Variants in SPRING1 observed in about 807,000 individuals in gnomAD.
SPRING1 encodes SREBP regulating gene protein.
In SPRING1, 14 loss-of-function variants were observed where a neutral mutation model predicts 24.7. That is an observed-to-expected ratio of 0.57 (90% CI 0.37 to 0.88). The LOEUF is 0.88. Ranked by LOEUF, SPRING1 falls within the 40% of genes least tolerant of loss-of-function variation. SPRING1 has a pLI of 0.00. For missense variants in SPRING1, 255 were observed against 268.4 expected (o/e 0.95, Z 0.35); for synonymous variants, 93 against 106.1 (o/e 0.88, Z 0.76).
chr12:116,730,357 C>A (rs1399107705), intron 1 of SPRING1, among the ~76,000 whole-genome samples: 1 of 152,118 alleles, frequency 6.6e-6, no homozygotes, highest in Non-Finnish European at 1.5e-5. Flanking sequence ...GCACCTGCCA[C>A]CACACCCAGC....
chr12:116,725,537 T>C (rs184975123), intron 1 of SPRING1, among the ~76,000 whole-genome samples: 1 of 152,272 alleles, frequency 6.6e-6, no homozygotes, highest in East Asian at 1.9e-4. Flanking sequence ...AAAAACAGGA[T>C]TATTAATAAC....
chr12:116,734,588 G>A (rs1261847396), intron 1 of SPRING1, among the ~76,000 whole-genome samples: 1 of 152,180 alleles, frequency 6.6e-6, no homozygotes, highest in Non-Finnish European at 1.5e-5. Context: ...CCCATGAAGT[G>A]GCTGGCAGTA....
At position 116,730,095 on chromosome 12, in the gene SPRING1, T is replaced by C. The variant is rs150948268; in HGVS notation, c.112-6872A>G. Among the ~76,000 whole-genome samples, 167 of 152,008 alleles carry C rather than the reference T, an allele frequency of 1.1e-3. 4 individuals carry two copies. The East Asian group carries it at 0.026, about 24-fold the overall frequency. ...TTTTGTATTTTTAGTAGAGACAGGG[T>C]TTCACTGTGTTAGCCAGGATGGTCT... On this transcript the variant is annotated intron_variant, in intron 1 of 4. Coordinates refer to ENST00000261318, the MANE Select transcript of SPRING1 (RefSeq NM_024738.4).
At chr12:116,734,572 T>C (rs921387423) in intron 1 of SPRING1, among the ~76,000 whole-genome samples, 11 of 152,202 alleles carry the variant, frequency 7.2e-5, no homozygotes, top group Admixed American at 6.5e-4. Flanking sequence ...AATCAATATT[T>C]GGATTCCCAT....
At chr12:116,734,387 A>G (rs1177838225) in intron 1 of SPRING1, among the ~76,000 whole-genome samples, 1 of 152,180 alleles carries the variant, frequency 6.6e-6, no homozygotes, top group Non-Finnish European at 1.5e-5. Flanking sequence ...CAGAATCTTG[A>G]GCGACGCATG....
chr12:116,712,596 C>G lies in SPRING1; in HGVS notation c.*5214G>C, dbSNP rs916348099. 4 of 152,160 alleles carry G rather than the reference C, an allele frequency of 2.6e-5. No individual in the cohort carries two copies. Among genetic ancestry groups the G allele is most frequent in the Non-Finnish European group, 5.9e-5 (4 of 68,040 alleles). 9.4% of individuals were successfully genotyped at this position (152,160 alleles called of 1,614,324 possible). ...TCTTTGTTTTTATTGCTCCTACTTA[C>G]TTATGTGATACCTTTTTAGTAGAAT... is the stretch of plus-strand genomic sequence containing the variant. On this transcript the variant is annotated 3_prime_UTR_variant, in exon 5 of 5. Coordinates refer to ENST00000261318, the MANE Select transcript of SPRING1 (RefSeq NM_024738.4).
chr12:116,720,340 T>TGCAGCAGCCGTTGGG lies in SPRING1; in HGVS notation c.361_375dup (p.Pro121_Cys125dup). ...CAGGAGACACAGTACTCATAGGCGC[T>TGCAGCAGCCGTTGGG]GCAGCAGCCGTTGGGCCAGCAGCCA... On this transcript the variant is annotated inframe_insertion, in exon 3 of 5. Transcript: ENST00000261318. The surrounding 1 kb of genome is among the most constrained non-coding windows in gnomAD (Gnocchi z 4.0). 2 of 1,614,218 alleles carry TGCAGCAGCCGTTGGG rather than the reference T, an allele frequency of 1.2e-6. No homozygotes were observed. Among genetic ancestry groups the TGCAGCAGCCGTTGGG allele is most frequent in the Non-Finnish European group, 1.7e-6 (2 of 1,180,032 alleles).
chr12:116,731,237 G>A (rs1035978902), intron 1 of SPRING1, among the ~76,000 whole-genome samples: 3 of 152,336 alleles, frequency 2.0e-5, no homozygotes, highest in Non-Finnish European at 4.4e-5. Flanking sequence ...TAGTAGCACA[G>A]TCTGCTGCCG....
chr12:116,723,087 T>C lies in SPRING1; in HGVS notation c.248A>G (p.His83Arg). ...CTCACCGAGTTCATCCGTGATGAGG[T>C]GCTTCCCTTGAATGGAGTTGCGGCA... ...NQCRNSIQGK[H>R]LITDELGYVC... Residue 83 changes from histidine (H) to arginine (R), a missense_variant, in exon 2 of 5, where the codon CAC becomes CGC. By Grantham distance (29) the His-to-Arg change is conservative. Coordinates refer to ENST00000261318, the MANE Select transcript of SPRING1 (RefSeq NM_024738.4). 1 of 1,612,480 alleles carries C rather than the reference T, an allele frequency of 6.2e-7. No individual in the cohort carries two copies. The highest frequency in any genetic ancestry group is 1.3e-5 in the African/African-American group (1 of 75,008).
chr12:116,723,191 G>A lies in SPRING1; in HGVS notation c.144C>T (p.Leu48=). ...EERAVRDRNL[L]QVHDHNQPIP... ...TGGGCTGATTATGGTCATGAACCTGGAGGAGATTCCTATCTCTCACTGCCC... is the reference window on the plus strand; with the variant it reads ...TGGGCTGATTATGGTCATGAACCTGAAGGAGATTCCTATCTCTCACTGCCC... The change falls in exon 2 of 5, where the codon CTC becomes CTT. Residue 48 remains leucine, a synonymous_variant. Coordinates refer to ENST00000261318, the MANE Select transcript of SPRING1 (RefSeq NM_024738.4). 1.9e-6 allele frequency: 3 copies of A among 1,614,124 alleles called. No homozygotes were observed. Among genetic ancestry groups the A allele is most frequent in the Non-Finnish European group, 2.5e-6 (3 of 1,180,034 alleles).
Position 116,738,050 on chromosome 12 carries a change from T to A in SPRING1, c.-150A>T. ...CAGCCCAGTCTGCTCCCGGCAGCCT[T>A]GGGCGCAGCCCCACGTGACCCCGCC... On this transcript the variant is annotated 5_prime_UTR_variant, in exon 1 of 5. Coordinates refer to ENST00000261318, the MANE Select transcript of SPRING1 (RefSeq NM_024738.4). 1.8e-6 allele frequency: 2 copies of A among 1,089,524 alleles called. No homozygotes were observed. The highest frequency in any genetic ancestry group is 2.2e-6 in the Non-Finnish European group (2 of 898,558). 67.5% of individuals were successfully genotyped at this position (1,089,524 alleles called of 1,614,324 possible).
At chr12:116,721,041 A>C (rs1234917331) in intron 2 of SPRING1, among the ~76,000 whole-genome samples, 1 of 152,192 alleles carries the variant, frequency 6.6e-6, no homozygotes, top group Non-Finnish European at 1.5e-5. Context: ...TTGGGAATGC[A>C]GTTCTCTAAT....
rs530673155 is a variant in SPRING1, at chr12:116,710,198, G to T, written c.*7612C>A. Reference sequence around the variant, plus strand: ...ATTTTAAAATAATATGGACAGCAGGGTCCTACCTTTATTTACATACAAATA... The same window carrying T: ...ATTTTAAAATAATATGGACAGCAGGTTCCTACCTTTATTTACATACAAATA... On this transcript the variant is annotated 3_prime_UTR_variant, in exon 5 of 5. Coordinates refer to ENST00000261318, the MANE Select transcript of SPRING1 (RefSeq NM_024738.4). The T allele has an allele frequency of 3.3e-5, 5 of 152,302 alleles. No individual in the cohort carries two copies. In the South Asian group the frequency reaches 1.0e-3, roughly 32 times the overall value. 9.4% of individuals were successfully genotyped at this position (152,302 alleles called of 1,614,324 possible).
In SPRING1 at chr12:116,737,871, G is replaced by A. The variant is rs1871355532; in HGVS notation, c.30C>T (p.Arg10=). Residue 10 remains arginine (R), a synonymous_variant, in exon 1 of 5, where the codon CGC becomes CGT. Coordinates refer to ENST00000261318, the MANE Select transcript of SPRING1 (RefSeq NM_024738.4). MVNLAAMVW[R]RLLRKRWVLA... ...GCACCCACCTCTTCCGCAGAAGCCG[G>A]CGCCACACCATGGCCGCCAGGTTCA... 1.9e-6 allele frequency: 3 copies of A among 1,576,102 alleles called. No homozygotes were observed. The highest frequency in any genetic ancestry group is 2.6e-5 in the East Asian group (1 of 39,060).
At chr12:116,731,485 CTA>C (rs1305273200) in intron 1 of SPRING1, among the ~76,000 whole-genome samples, 7 of 152,136 alleles carry the variant, frequency 4.6e-5, no homozygotes, top group African/African-American at 1.4e-4. Context: ...TAGCTCATGC[CTA>C]TGATTCCAGC....
chr12:116,713,110 C>A lies in SPRING1; in HGVS notation c.*4700G>T, dbSNP rs960616587. 2.0e-4 allele frequency: 30 copies of A among 152,200 alleles called. No homozygotes were observed. The highest frequency in any genetic ancestry group is 6.8e-4 in the African/African-American group (28 of 41,422). 9.4% of individuals were successfully genotyped at this position (152,200 alleles called of 1,614,324 possible). On this transcript the variant is annotated 3_prime_UTR_variant, in exon 5 of 5. Coordinates refer to ENST00000261318, the MANE Select transcript of SPRING1 (RefSeq NM_024738.4). The stretch of plus-strand genomic sequence containing the variant: ...TGTCGTGGGGGCTGTTGGGCACCAT[C>A]CCTGGCCTCCCTCCACGAGTGCCCA...
At chr12:116,719,667 TA>T in intron 4 of SPRING1, 95 bp downstream of exon 4, 1 of 1,008,928 alleles carries the variant, frequency 9.9e-7, no homozygotes, top group Non-Finnish European at 1.5e-6. Context: ...TCTTCTCCCT[TA>T]CCACCCCACC....
Position 116,718,003 on chromosome 12 carries a change from G to C in SPRING1, c.535-110C>G, listed in dbSNP as rs1870244806. 6 of 884,174 alleles carry C rather than the reference G, an allele frequency of 6.8e-6. No individual in the cohort carries two copies. In the East Asian group the frequency reaches 1.9e-4, roughly 27 times the overall value. The allele number at this position is 884,174 out of a possible 1,614,324, so 54.8% of individuals were successfully genotyped here. A position where few individuals can be genotyped will look rare whatever the true frequency, so the allele number is the denominator to read the frequency against. On this transcript the variant is annotated intron_variant, in intron 4 of 4. Coordinates refer to ENST00000261318, the MANE Select transcript of SPRING1 (RefSeq NM_024738.4). ...GACTGTCAGACTCTCCCTGCAGGGG[G>C]CTGGCCGAGTCCATCTCCAAATGTC...
chr12:116,723,227 C>T lies in SPRING1; in HGVS notation c.112-4G>A. ...TATCTCTCACTGCCCTCTCCTCCTG[C>T]AAAGAAACCATAAGTGAGAAGGTTA... is the stretch of plus-strand genomic sequence containing the variant. On this transcript the variant is annotated splice_polypyrimidine_tract_variant and splice_region_variant and intron_variant, in intron 1 of 4. Transcript: ENST00000261318. 4 of 1,614,022 alleles carry T rather than the reference C, an allele frequency of 2.5e-6. No homozygotes were observed. Among genetic ancestry groups the T allele is most frequent in the Middle Eastern group, 1.7e-4 (1 of 6,020 alleles).
Sources: allele counts gnomAD v4.1 joint callset (sites outside exome capture counted in the v4.1 genomes callset), GRCh38; gene constraint gnomAD v4.1.1; non-coding constraint Gnocchi (gnomAD v3.1); transcripts MANE v1.5; gene names NCBI Gene and HGNC (gene_info 2026-07-23, HGNC 2026-07-21).